The following FAM83B variants were observed in gnomAD, a reference collection of about 807,000 sequenced individuals.
FAM83B encodes the protein protein FAM83B.
A neutral mutation model predicts 38.8 loss-of-function variants in FAM83B; 26 were observed. That is an observed-to-expected ratio of 0.67 (90% CI 0.49 to 0.93). The LOEUF (loss-of-function observed/expected upper bound fraction) is 0.93, where lower values mean the gene tolerates loss of function less well. FAM83B is among the 40% of genes least tolerant of loss of function. The pLI, the probability that FAM83B is intolerant of heterozygous loss-of-function variation, is 0.00. For synonymous variants in FAM83B, 419 were observed against 423.1 expected (o/e 0.99, Z 0.12); for missense variants, 1,237 against 1,197.3 (o/e 1.03, Z -0.49).
chr6:54,860,699 T>G (rs557906577), intron 1 of FAM83B, among the ~76,000 whole-genome samples: 1 of 152,312 alleles, frequency 6.6e-6, no homozygotes, highest in East Asian at 1.9e-4. Flanking sequence ...GTCTTTTCAG[T>G]AAATAGCCCT....
At chr6:54,885,235 T>C (rs559095609) in intron 2 of FAM83B, among the ~76,000 whole-genome samples, 2 of 152,302 alleles carry the variant, frequency 1.3e-5, no homozygotes, top group Non-Finnish European at 2.9e-5. Flanking sequence ...AGTTGAACCT[T>C]ACAATATTGA....
At chr6:54,927,729 A>G (rs1297938495) in intron 4 of FAM83B, 97 bp downstream of exon 4, 1 of 94,450 alleles carries the variant, frequency 1.1e-5, no homozygotes, top group South Asian at 2.1e-4. Flanking sequence ...TCTTAAAAGT[A>G]AAAAAAAAAA....
At chr6:54,916,293 A>G (rs1405883117) in intron 2 of FAM83B, among the ~76,000 whole-genome samples, 1 of 152,128 alleles carries the variant, frequency 6.6e-6, no homozygotes, top group Non-Finnish European at 1.5e-5. Context: ...ATATCACTAA[A>G]GTACAAAATA....
At chr6:54,858,241 A>G (rs1771490061) in intron 1 of FAM83B, among the ~76,000 whole-genome samples, 1 of 152,234 alleles carries the variant, frequency 6.6e-6, no homozygotes, top group African/African-American at 2.4e-5. Flanking sequence ...AATGATTTTC[A>G]GATACCATTG....
chr6:54,935,432 G>A lies in FAM83B; in HGVS notation c.735-4274G>A, dbSNP rs1283910623. Among the ~76,000 whole-genome samples the A allele has an allele frequency of 1.2e-4, 18 of 152,142 alleles. 1 individual carries two copies. The highest frequency in any genetic ancestry group is 1.2e-3 in the Admixed American group (18 of 15,246). On this transcript the variant is annotated intron_variant, in intron 4 of 4. Coordinates refer to ENST00000306858, the MANE Select transcript of FAM83B (RefSeq NM_001010872.3). ...GAGTGATCATAAATGTCTTCTAAGA[G>A]CATGTCAGCAGGGGAAGAGATATAT...
chr6:54,914,441 T>C (rs1424983091), intron 2 of FAM83B, among the ~76,000 whole-genome samples: 2 of 152,160 alleles, frequency 1.3e-5, no homozygotes, highest in Non-Finnish European at 2.9e-5. Flanking sequence ...TTTTTTCTTA[T>C]GCTGATTTCT....
intron 2 of FAM83B, among the ~76,000 whole-genome samples, chr6:54,885,873 C>T (rs1023472918): frequency 6.6e-6 from 1 of 151,532 alleles, no homozygotes; most frequent in Non-Finnish European, 1.5e-5. Context: ...TGCTAAATGA[C>T]GAGTTAATGG....
chr6:54,892,546 G>T (rs1772430152), intron 2 of FAM83B, among the ~76,000 whole-genome samples: 1 of 151,480 alleles, frequency 6.6e-6, no homozygotes, highest in Admixed American at 6.6e-5. Context: ...TTCTGTGTTA[G>T]TTTGCTGAGG....
intron 2 of FAM83B, among the ~76,000 whole-genome samples, chr6:54,883,232 C>T (rs1772178186): frequency 6.6e-6 from 1 of 151,866 alleles, no homozygotes; most frequent in Admixed American, 6.6e-5. Context: ...CGTGAGCCAC[C>T]ATGCCTAGCC....
chr6:54,923,870 T>A (rs1193498223), intron 2 of FAM83B, among the ~76,000 whole-genome samples: 1 of 151,666 alleles, frequency 6.6e-6, no homozygotes, highest in African/African-American at 2.4e-5. Context: ...TTTTTTCTTT[T>A]TTTTTTTTTA....
intron 4 of FAM83B, among the ~76,000 whole-genome samples, chr6:54,930,619 G>A (rs1045745405): frequency 6.6e-6 from 1 of 152,008 alleles, no homozygotes; most frequent in African/African-American, 2.4e-5. Flanking sequence ...AATTGGTAAG[G>A]TATTACCCCA....
chr6:54,907,555 C>A (rs889058518), intron 2 of FAM83B, among the ~76,000 whole-genome samples: 4 of 152,026 alleles, frequency 2.6e-5, no homozygotes, highest in African/African-American at 4.8e-5. Context: ...ACATAAGGAG[C>A]CTTCTGACAG....
chr6:54,854,693 T>G (rs1771400614), intron 1 of FAM83B, among the ~76,000 whole-genome samples: 1 of 152,320 alleles, frequency 6.6e-6, no homozygotes, highest in South Asian at 2.1e-4. Flanking sequence ...TTTGTGTAAC[T>G]CATTTTATTG....
chr6:54,862,933 A>T (rs7752349), intron 1 of FAM83B, among the ~76,000 whole-genome samples: 59,954 of 151,784 alleles, frequency 0.39, 13,422 homozygotes, highest in Non-Finnish European at 0.51. Flanking sequence ...TTAATTAAAT[A>T]CTTTTTATTG....
chr6:54,853,217 T>C (rs1199114230), intron 1 of FAM83B, among the ~76,000 whole-genome samples: 1 of 152,236 alleles, frequency 6.6e-6, no homozygotes, highest in Non-Finnish European at 1.5e-5. Flanking sequence ...CTCCAAAATG[T>C]AAATGTGCAA....
At chr6:54,879,056 C>T (rs1772064106) in intron 2 of FAM83B, among the ~76,000 whole-genome samples, 1 of 152,060 alleles carries the variant, frequency 6.6e-6, no homozygotes, top group Non-Finnish European at 1.5e-5. Flanking sequence ...GTCAGAGGCC[C>T]CAAAGTTGGG....
intron 2 of FAM83B, among the ~76,000 whole-genome samples, chr6:54,916,598 C>T (rs1773044400): frequency 6.6e-6 from 1 of 152,086 alleles, no homozygotes; most frequent in African/African-American, 2.4e-5. Flanking sequence ...ACACTAAATC[C>T]CAATATATTT....
chr6:54,869,971 T>C (rs1238593105), intron 1 of FAM83B, among the ~76,000 whole-genome samples: 2 of 152,130 alleles, frequency 1.3e-5, no homozygotes, highest in Non-Finnish European at 2.9e-5. Context: ...AAAAGGAAAA[T>C]CCAACAGCAA....
At chr6:54,917,969 T>C (rs1773083894) in intron 2 of FAM83B, among the ~76,000 whole-genome samples, 1 of 152,068 alleles carries the variant, frequency 6.6e-6, no homozygotes, top group African/African-American at 2.4e-5. Context: ...CAAAGTTAAA[T>C]ATGACAAAAT....
Sources: allele counts gnomAD v4.1 joint callset (sites outside exome capture counted in the v4.1 genomes callset), GRCh38; gene constraint gnomAD v4.1.1; transcripts MANE v1.5; gene names NCBI Gene and HGNC (gene_info 2026-07-23, HGNC 2026-07-21).